Variants in SLC1A2 observed in about 807,000 individuals in gnomAD.
The protein encoded by SLC1A2 is excitatory amino acid transporter 2.
In SLC1A2, 15 loss-of-function variants were observed where a neutral mutation model predicts 48.8. The ratio of observed to expected loss-of-function variants is 0.31; its 90% CI spans 0.21 to 0.47. The LOEUF is 0.47. Among genes scored for constraint, SLC1A2 ranks in the 20% least tolerant of loss-of-function variants. The pLI, the probability that SLC1A2 is intolerant of heterozygous loss-of-function variation, is 0.99. For synonymous variants in SLC1A2, 279 were observed against 272.6 expected (o/e 1.02, Z -0.23); for missense variants, 502 against 730.5 (o/e 0.69, Z 3.61).
intron 8 of SLC1A2, among the ~76,000 whole-genome samples, chr11:35,284,890 C>T (rs1017546561): frequency 1.1e-4 from 16 of 152,194 alleles, no homozygotes; most frequent in African/African-American, 3.6e-4. Context: ...CATGTAGAGA[C>T]ATCAGACCCA....
At chr11:35,413,597 T>C (rs1175336535) in intron 1 of SLC1A2, 4 of 152,174 alleles carry the variant, frequency 2.6e-5, no homozygotes, top group Non-Finnish European at 5.9e-5. Flanking sequence ...TAAAAGTAAG[T>C]ATAGGTGAAC....
intron 1 of SLC1A2, among the ~76,000 whole-genome samples, chr11:35,417,889 G>T (rs1435202700): frequency 6.6e-6 from 1 of 152,212 alleles, no homozygotes; most frequent in East Asian, 1.9e-4. Context: ...AGCCTGCGGA[G>T]TTGGTAAAAT....
chr11:35,271,983 T>C (rs1050919696), intron 9 of SLC1A2, among the ~76,000 whole-genome samples: 5 of 152,174 alleles, frequency 3.3e-5, no homozygotes, highest in Admixed American at 6.5e-5. Flanking sequence ...GGAGACATTA[T>C]GTATAATCAG....
intron 1 of SLC1A2, among the ~76,000 whole-genome samples, chr11:35,350,832 C>T (rs556436852): frequency 7.2e-5 from 11 of 152,312 alleles, no homozygotes; most frequent in Non-Finnish European, 1.6e-4. Flanking sequence ...CTGAAGTGTC[C>T]TCAATTCATG....
chr11:35,268,910 C>T (rs1426316974), intron 9 of SLC1A2, among the ~76,000 whole-genome samples: 1 of 152,154 alleles, frequency 6.6e-6, no homozygotes, highest in African/African-American at 2.4e-5. Context: ...ACCCTGGAAC[C>T]ACACAGCCCT....
chr11:35,370,043 G>A (rs1854003821), intron 1 of SLC1A2, among the ~76,000 whole-genome samples: 1 of 152,104 alleles, frequency 6.6e-6, no homozygotes, highest in Non-Finnish European at 1.5e-5. Flanking sequence ...AGGCATGAAG[G>A]GAAAAGTATA....
At chr11:35,357,019 A>C (rs1853497830) in intron 1 of SLC1A2, among the ~76,000 whole-genome samples, 8 of 152,170 alleles carry the variant, frequency 5.3e-5, no homozygotes, top group Admixed American at 4.6e-4. Context: ...AGGCGGGCAG[A>C]TCATGAGGTC....
intron 6 of SLC1A2, among the ~76,000 whole-genome samples, chr11:35,294,221 C>A (rs560140066): frequency 7.2e-5 from 11 of 152,282 alleles, no homozygotes; most frequent in African/African-American, 2.4e-4. Context: ...GGAACCTAAT[C>A]CTGAAGGAAC....
At chr11:35,333,317 T>C (rs1188848362) in intron 1 of SLC1A2, among the ~76,000 whole-genome samples, 2 of 151,580 alleles carry the variant, frequency 1.3e-5, no homozygotes, top group African/African-American at 2.4e-5. Flanking sequence ...CTGGGGAGGC[T>C]GACGCAGGAG....
chr11:35,291,446 G>C (rs1851005361), intron 7 of SLC1A2: 1 of 152,070 alleles, frequency 6.6e-6, no homozygotes, highest in Non-Finnish European at 1.5e-5. Context: ...ATTTTTAGTA[G>C]AGACAGGGTT....
chr11:35,403,997 C>T (rs1411680916), intron 1 of SLC1A2, among the ~76,000 whole-genome samples: 1 of 85,304 alleles, frequency 1.2e-5, no homozygotes, highest in East Asian at 4.1e-4. Context: ...CTCTGCTCCT[C>T]CACGGGCGCC....
chr11:35,381,872 C>T (rs1854433755), intron 1 of SLC1A2, among the ~76,000 whole-genome samples: 1 of 152,194 alleles, frequency 6.6e-6, no homozygotes, highest in Non-Finnish European at 1.5e-5. Context: ...TGTTCTGCAA[C>T]AATGAGTACT....
chr11:35,394,377 G>C (rs1854886059), intron 1 of SLC1A2, among the ~76,000 whole-genome samples: 1 of 152,064 alleles, frequency 6.6e-6, no homozygotes, highest in South Asian at 2.1e-4. Flanking sequence ...TCCACAGATG[G>C]GGGGACACAC....
intron 6 of SLC1A2, 36 bp from the exon 7 acceptor site, chr11:35,292,556 G>A (rs1851044868): frequency 7.5e-7 from 1 of 1,340,148 alleles, no homozygotes; most frequent in South Asian, 1.2e-5. Flanking sequence ...GCATTGAAGA[G>A]ATCATTAGGG....
intron 9 of SLC1A2, among the ~76,000 whole-genome samples, chr11:35,276,841 T>C (rs1383844156): frequency 6.6e-6 from 1 of 152,216 alleles, no homozygotes; most frequent in Non-Finnish European, 1.5e-5. Flanking sequence ...TTTCTCTGGT[T>C]AGCATGCAGA....
At chr11:35,322,676 C>G (rs1213878096) in intron 1 of SLC1A2, 1 of 1,518,302 alleles carries the variant, frequency 6.6e-7, no homozygotes, top group East Asian at 2.5e-5. Flanking sequence ...GACACTAGGT[C>G]ACCCTAGAAT....
At chr11:35,335,794 C>G (rs1460272239) in intron 1 of SLC1A2, among the ~76,000 whole-genome samples, 1 of 152,078 alleles carries the variant, frequency 6.6e-6, no homozygotes, top group African/African-American at 2.4e-5. Context: ...GAAACCCTGT[C>G]TCTACCAAAA....
chr11:35,315,898 C>G (rs1387185583), intron 2 of SLC1A2: 1 of 152,140 alleles, frequency 6.6e-6, no homozygotes, highest in Admixed American at 6.5e-5. Context: ...AGCTTGGCCA[C>G]ATGGCATGGC....
At chr11:35,347,347 C>T (rs1248434643) in intron 1 of SLC1A2, among the ~76,000 whole-genome samples, 1 of 152,176 alleles carries the variant, frequency 6.6e-6, no homozygotes, top group African/African-American at 2.4e-5. Context: ...ATTCAATATA[C>T]TTGCTGTTTT....
Sources: allele counts gnomAD v4.1 joint callset (sites outside exome capture counted in the v4.1 genomes callset), GRCh38; gene constraint gnomAD v4.1.1; transcripts MANE v1.5; gene names NCBI Gene and HGNC (gene_info 2026-07-23, HGNC 2026-07-21).